The following DIS3L2 variants were observed in gnomAD, a reference collection of about 807,000 sequenced individuals.
DIS3L2 encodes the protein DIS3-like exonuclease 2.
A neutral mutation model predicts 97.5 loss-of-function variants in DIS3L2; 34 were observed. The ratio of observed to expected loss-of-function variants is 0.35; its 90% confidence interval spans 0.27 to 0.46. The LOEUF (loss-of-function observed/expected upper bound fraction) is 0.46. Ranked by LOEUF, DIS3L2 falls within the 20% of genes least tolerant of loss-of-function variation. DIS3L2 has a pLI of 1.00. For missense variants in DIS3L2, 1,038 were observed against 1,146.0 expected (o/e 0.91, Z 1.36); for synonymous variants, 435 against 445.2 (o/e 0.98, Z 0.29).
At chr2:232,305,007 A>G (rs574193717) in intron 14 of DIS3L2, among the ~76,000 whole-genome samples, 6 of 152,278 alleles carry the variant, frequency 3.9e-5, no homozygotes, top group African/African-American at 1.4e-4. Context: ...CTGTCACTTT[A>G]TTCTCCTTGT....
intron 5 of DIS3L2, among the ~76,000 whole-genome samples, chr2:232,074,622 C>A (rs987847512): frequency 6.9e-6 from 1 of 144,622 alleles, no homozygotes; most frequent in Non-Finnish European, 1.5e-5. Context: ...CTCTGTTACC[C>A]AGGTTCACCA....
In DIS3L2 at chr2:232,282,720, C is replaced by T. The variant is rs563661742; in HGVS notation, c.1660-17320C>T. Among the ~76,000 whole-genome samples, 28 of 152,336 alleles carry T rather than the reference C, an allele frequency of 1.8e-4. 1 individual carries two copies. The highest frequency in any genetic ancestry group is 6.8e-3 in the Middle Eastern group (2 of 294). The stretch of plus-strand genomic sequence containing the variant: ...ACACATCTGACCCCTGCCTCTCTTT[C>T]GCACTGGCCCCTTCTCTGTGCTCAG... On this transcript the variant is annotated intron_variant, in intron 13 of 20. Coordinates refer to ENST00000325385, the MANE Select transcript of DIS3L2 (RefSeq NM_152383.5).
intron 8 of DIS3L2, among the ~76,000 whole-genome samples, chr2:232,155,243 T>A (rs1209332737): frequency 6.6e-6 from 1 of 151,656 alleles, no homozygotes; most frequent in Non-Finnish European, 1.5e-5. Flanking sequence ...CTTAATTTTC[T>A]AAAGGTCCAA....
At chr2:232,256,949 C>G (rs1168633784) in intron 12 of DIS3L2, among the ~76,000 whole-genome samples, 8 of 152,082 alleles carry the variant, frequency 5.3e-5, no homozygotes, top group Admixed American at 5.2e-4. Context: ...GAAACCCTGT[C>G]TCTACTAAAA....
intron 5 of DIS3L2, among the ~76,000 whole-genome samples, chr2:232,051,720 GAGAATGGCGTGA>G (rs887630509): frequency 6.8e-6 from 1 of 146,752 alleles, no homozygotes; most frequent in Non-Finnish European, 1.5e-5. Flanking sequence ...GCTGAGGCAG[GAGAATGGCGTGA>G]ACCCGGGAGG....
chr2:232,255,742 G>A (rs1693542226), intron 12 of DIS3L2, among the ~76,000 whole-genome samples: 1 of 152,124 alleles, frequency 6.6e-6, no homozygotes, highest in Non-Finnish European at 1.5e-5. Context: ...TGCGTCTCCT[G>A]TGACATCCCT....
intron 5 of DIS3L2, among the ~76,000 whole-genome samples, chr2:232,052,863 T>C (rs1189580173): frequency 6.6e-6 from 1 of 152,240 alleles, no homozygotes; most frequent in Non-Finnish European, 1.5e-5. Flanking sequence ...CACATTCCAG[T>C]GGCATTTGAT....
At chr2:232,332,080 G>T (rs1462712626) in intron 16 of DIS3L2, among the ~76,000 whole-genome samples, 1 of 152,080 alleles carries the variant, frequency 6.6e-6, no homozygotes, top group Non-Finnish European at 1.5e-5. Flanking sequence ...CCCAGGGATG[G>T]CTGGGCCTGT....
chr2:232,323,369 C>T (rs910213429), intron 14 of DIS3L2, among the ~76,000 whole-genome samples: 20 of 152,212 alleles, frequency 1.3e-4, no homozygotes, highest in Admixed American at 1.3e-3. Flanking sequence ...TCCTTTCGCT[C>T]CCCATTACGG....
At chr2:232,336,077 C>A (rs573267679) in intron 20 of DIS3L2, 1 of 1,538,158 alleles carries the variant, frequency 6.5e-7, no homozygotes, top group African/African-American at 1.4e-5. Context: ...TCCTTGGGGG[C>A]AACCACAGTG....
At chr2:232,119,638 A>G (rs978014496) in intron 6 of DIS3L2, among the ~76,000 whole-genome samples, 1 of 152,234 alleles carries the variant, frequency 6.6e-6, no homozygotes. Context: ...GATTTGGAGC[A>G]GAGAGTGCTC....
At chr2:232,135,962 T>C (rs567031583) in intron 7 of DIS3L2, among the ~76,000 whole-genome samples, 1 of 152,304 alleles carries the variant, frequency 6.6e-6, no homozygotes, top group East Asian at 1.9e-4. Context: ...GTGGCCTCAA[T>C]CTTCATCTAG....
chr2:232,091,565 C>T lies in DIS3L2; in HGVS notation c.601+3844C>T, dbSNP rs112866209. Among the ~76,000 whole-genome samples the T allele has an allele frequency of 1.4e-4, 22 of 152,212 alleles. 2 individuals carry two copies. Among genetic ancestry groups the T allele is most frequent in the African/African-American group, 4.8e-4 (20 of 41,540 alleles). On this transcript the variant is annotated intron_variant, in intron 6 of 20. Coordinates refer to ENST00000325385, the MANE Select transcript of DIS3L2 (RefSeq NM_152383.5). ...TTATCCATTTGTCTGTTGATGGACA[C>T]GTAGGTTGTTTCCAAATCTTGGTTA...
At chr2:231,995,785 A>G (rs1001605013) in intron 1 of DIS3L2, among the ~76,000 whole-genome samples, 2 of 152,244 alleles carry the variant, frequency 1.3e-5, no homozygotes, top group Non-Finnish European at 2.9e-5. Context: ...TAATAATTCA[A>G]TAATTCAGTA....
chr2:232,160,169 A>G (rs923359281), intron 8 of DIS3L2, among the ~76,000 whole-genome samples: 1 of 152,186 alleles, frequency 6.6e-6, no homozygotes, highest in Non-Finnish European at 1.5e-5. Flanking sequence ...TTATTCTAGA[A>G]GAGTTTATGT....
At chr2:232,305,093 T>C (rs1694953860) in intron 14 of DIS3L2, among the ~76,000 whole-genome samples, 1 of 152,196 alleles carries the variant, frequency 6.6e-6, no homozygotes, top group African/African-American at 2.4e-5. Context: ...ATTTATTTTT[T>C]GAGATGGAGT....
chr2:232,083,159 G>T (rs2106302240), intron 5 of DIS3L2, among the ~76,000 whole-genome samples: 1 of 152,076 alleles, frequency 6.6e-6, no homozygotes, highest in South Asian at 2.1e-4. Context: ...TTTGGGTGGG[G>T]GCACAGCCAA....
intron 13 of DIS3L2, among the ~76,000 whole-genome samples, chr2:232,283,566 C>T (rs1694351288): frequency 6.6e-6 from 1 of 152,004 alleles, no homozygotes; most frequent in Non-Finnish European, 1.5e-5. Context: ...AGGACTAGGC[C>T]CAGTCTATTT....
At chr2:232,017,425 T>C (rs190420446) in intron 3 of DIS3L2, among the ~76,000 whole-genome samples, 1 of 152,246 alleles carries the variant, frequency 6.6e-6, no homozygotes, top group East Asian at 1.9e-4. Context: ...TTTTTAAAGC[T>C]TTCCCTGGAT....
Sources: gnomAD v4.1 joint callset for allele counts (sites outside exome capture counted in the v4.1 genomes callset) on GRCh38, gnomAD v4.1.1 for gene constraint, MANE v1.5 for transcripts, NCBI Gene and HGNC (gene_info 2026-07-23, HGNC 2026-07-21) for gene names.